The following TP53I3 variants were observed in gnomAD, a reference collection of about 807,000 sequenced individuals.
TP53I3 encodes the protein quinone oxidoreductase PIG3.
A neutral mutation model predicts 27.7 loss-of-function variants in TP53I3; 32 were observed. That is an observed-to-expected ratio of 1.16 (90% confidence interval 0.87 to 1.55). The LOEUF (loss-of-function observed/expected upper bound fraction) is 1.55. Among genes scored for constraint, TP53I3 ranks in the 40% most tolerant of loss-of-function variants. TP53I3 has a pLI of 0.00. For synonymous variants in TP53I3, 138 were observed against 167.8 expected (o/e 0.82, Z 1.37); for missense variants, 372 against 412.3 (o/e 0.90, Z 0.85).
Position 24,084,339 on chromosome 2 carries a change from C to CACAGGGCAGGGCAGGGCAGGACAGG in TP53I3, c.-38_-14dup, listed in dbSNP as rs762702067. The CACAGGGCAGGGCAGGGCAGGACAGG allele has an allele frequency of 3.7e-5, 60 of 1,604,012 alleles. 1 individual carries two copies. In the South Asian group the frequency reaches 4.2e-4, roughly 11 times the overall value. ...GCACGGCTAACATATTGTCTGAGGA[C>CACAGGGCAGGGCAGGGCAGGACAGG]ACAGGGCAGGGCAGGGCAGGACAGG... On this transcript the variant is annotated 5_prime_UTR_variant, in exon 1 of 5. Coordinates refer to ENST00000238721, the MANE Select transcript of TP53I3 (RefSeq NM_004881.5). This position sits in a 1 kb window ranked among gnomAD's most constrained non-coding sequence, Gnocchi z 8.4.
chr2:24,083,713 TAA>T (rs1472224414), intron 1 of TP53I3, among the ~76,000 whole-genome samples: 1 of 152,180 alleles, frequency 6.6e-6, no homozygotes, highest in East Asian at 1.9e-4. Flanking sequence ...AGAAAATTCT[TAA>T]GAGTACTGCC....
Position 24,077,648 on chromosome 2 carries a change from G to C in TP53I3, c.930C>G (p.Ile310Met). 2 of 1,614,098 alleles carry C rather than the reference G, an allele frequency of 1.2e-6. No individual in the cohort carries two copies. Among genetic ancestry groups the C allele is most frequent in the South Asian group, 1.1e-5 (1 of 91,074 alleles). The change falls in exon 5 of 5, where the codon ATC (isoleucine) becomes ATG (methionine). Residue 310 changes from isoleucine to methionine, a missense_variant. By Grantham distance (10) the Ile-to-Met change is conservative (BLOSUM62 1). Transcript: ENST00000238721. The surrounding 1 kb of genome is among the most constrained non-coding windows in gnomAD (Gnocchi z 5.5). ...CCTCCATGTACTTATGGGCCTCCTGGATTTCGGTCACTGGGTAGATTCTGT... is the reference window on the plus strand; with the variant it reads ...CCTCCATGTACTTATGGGCCTCCTGCATTTCGGTCACTGGGTAGATTCTGT... ...VLDRIYPVTE[I>M]QEAHKYMEAN... is the part of the protein sequence containing the mutation.
In TP53I3 at chr2:24,084,255, G is replaced by A. The variant is rs146197887; in HGVS notation, c.72C>T (p.Ser24=). 3.7e-6 allele frequency: 6 copies of A among 1,613,770 alleles called. No homozygotes were observed. In the African/African-American group the frequency reaches 5.3e-5, roughly 14 times the overall value. Residue 24 remains serine, a synonymous_variant, in exon 1 of 5, where the codon AGC becomes AGT. Transcript: ENST00000238721. The surrounding 1 kb of genome is among the most constrained non-coding windows in gnomAD (Gnocchi z 8.4). ...TCAGGAGGACTTCACCCTCCCCCGG[G>A]CTCGGCTTGGCCACCTCCTTCACGT... ...NLYVKEVAKP[S]PGEGEVLLKV...
In TP53I3 at chr2:24,084,488, C is replaced by G; in HGVS notation, c.-162G>C. On this transcript the variant is annotated 5_prime_UTR_variant, in exon 1 of 5. Coordinates refer to ENST00000238721, the MANE Select transcript of TP53I3 (RefSeq NM_004881.5). This position sits in a 1 kb window ranked among gnomAD's most constrained non-coding sequence, Gnocchi z 8.4. ...CGCAGCGCCCCCTGCCGGCCAGCGCCTCGCTGCCCTGGTCTGCCGCGGACC... is the reference window on the plus strand; with the variant it reads ...CGCAGCGCCCCCTGCCGGCCAGCGCGTCGCTGCCCTGGTCTGCCGCGGACC... 1 of 972,042 alleles carries G rather than the reference C, an allele frequency of 1.0e-6. No homozygotes were observed. Among genetic ancestry groups the G allele is most frequent in the Non-Finnish European group, 1.4e-6 (1 of 704,742 alleles). The allele number at this position is 972,042 out of a possible 1,614,324, so 60.2% of individuals were successfully genotyped here.
rs764150212 is a variant in TP53I3, at chr2:24,079,567, A to C, written c.693T>G (p.Leu231=). ...GACCATAGAGAACCCATCGACCATCAAGAGCCAGGCAGTTGACGTTCTTCT... is the reference window on the plus strand; with the variant it reads ...GACCATAGAGAACCCATCGACCATCCAGAGCCAGGCAGTTGACGTTCTTCT... ...YWEKNVNCLA[L]DGRWVLYGLM... Residue 231 remains leucine (L), a synonymous_variant, in exon 4 of 5, where the codon CTT becomes CTG. Coordinates refer to ENST00000238721, the MANE Select transcript of TP53I3 (RefSeq NM_004881.5). The C allele has an allele frequency of 8.7e-6, 14 of 1,614,186 alleles. No homozygotes were observed. In the South Asian group the frequency reaches 1.4e-4, roughly 16 times the overall value.
intron 4 of TP53I3, 79 bp downstream of exon 4, chr2:24,079,365 G>T: frequency 6.7e-7 from 1 of 1,483,840 alleles, no homozygotes; most frequent in Non-Finnish European, 9.2e-7. Context: ...CTAAGGTAGA[G>T]CTTCCTTTCT....
In TP53I3 at chr2:24,081,791, G is replaced by A. The variant is rs141620611; in HGVS notation, c.407-760C>T. 8.4e-3 allele frequency among the ~76,000 whole-genome samples: 1,257 copies of A among 150,506 alleles called. 26 individuals carry two copies. Among genetic ancestry groups the A allele is most frequent in the African/African-American group, 0.029 (1,186 of 40,846 alleles). On this transcript the variant is annotated intron_variant, in intron 2 of 4. Transcript: ENST00000238721. The stretch of plus-strand genomic sequence containing the variant: ...GCAAGCTCTGCCCCACCCCCCCTGC[G>A]TTCATGCCATTCTCTTGCCTCAGCT...
chr2:24,079,001 C>T (rs1664880121), intron 4 of TP53I3: 1 of 163,898 alleles, frequency 6.1e-6, no homozygotes. Context: ...TCCTCTGCCT[C>T]AGCCTTCCAA....
intron 2 of TP53I3, among the ~76,000 whole-genome samples, chr2:24,081,798 C>G (rs976976568): frequency 1.3e-5 from 2 of 150,034 alleles, no homozygotes; most frequent in Non-Finnish European, 3.0e-5. Flanking sequence ...TGCGTTCATG[C>G]CATTCTCTTG....
rs1217899154 is a variant in TP53I3 at position 24,083,155 on chromosome 2, G to A, written c.139-3C>T. ...GGTGGGTCATACTGGCCTTGTCTCT[G>A]CAGAGAAAGAAGTGCACTAAGTGGT... On this transcript the variant is annotated splice_polypyrimidine_tract_variant and splice_region_variant and intron_variant, in intron 1 of 4. Transcript: ENST00000238721. The A allele has an allele frequency of 1.2e-6, 2 of 1,600,320 alleles. No homozygotes were observed. The highest frequency in any genetic ancestry group is 2.7e-5 in the African/African-American group (2 of 74,722).
Position 24,079,619 on chromosome 2 carries a change from A to G in TP53I3, c.641T>C (p.Leu214Pro), listed in dbSNP as rs1174900349. Reference protein sequence around the residue: ...FTKGAGVNLILDCIGGSYWEK... With the variant: ...FTKGAGVNLIPDCIGGSYWEK... ...CCAGTAGGATCCGCCTATGCAGTCTAGAATAAGATTAACTCCAGCACCTTC... is the reference window on the plus strand; with the variant it reads ...CCAGTAGGATCCGCCTATGCAGTCTGGAATAAGATTAACTCCAGCACCTTC... The change falls in exon 4 of 5, where the codon CTA (leucine) becomes CCA (proline). Residue 214 changes from leucine to proline, a missense_variant. Physicochemically the swap from Leu to Pro is moderately conservative, Grantham distance 98. Transcript: ENST00000238721. 1.4e-5 allele frequency: 23 copies of G among 1,614,200 alleles called. No homozygotes were observed. Among genetic ancestry groups the G allele is most frequent in the Non-Finnish European group, 1.9e-5 (23 of 1,180,030 alleles).
chr2:24,082,984 C>A lies in TP53I3; in HGVS notation c.307G>T (p.Glu103Ter). ...GGQAQYVTVP[E>*]GLLMPIPEGL... Reference sequence around the variant, plus strand: ...TCTGGGATAGGCATGAGGAGCCCTTCGGGGACAGTGACGTACTGAGCCTGG... The same window carrying A: ...TCTGGGATAGGCATGAGGAGCCCTTAGGGGACAGTGACGTACTGAGCCTGG... The change falls in exon 2 of 5, where the codon GAA becomes TAA. Residue 103 changes from glutamate (E) to a stop codon, truncating the protein, a stop_gained. Coordinates refer to ENST00000238721, the MANE Select transcript of TP53I3 (RefSeq NM_004881.5). LOFTEE classifies it high-confidence loss of function. 1 of 1,614,158 alleles carries A rather than the reference C, an allele frequency of 6.2e-7. No homozygotes were observed. The highest frequency in any genetic ancestry group is 8.5e-7 in the Non-Finnish European group (1 of 1,180,014).
Position 24,077,662 on chromosome 2 carries a change from G to A in TP53I3, c.916C>T (p.Pro306Ser), listed in dbSNP as rs760907457. 31 of 1,613,936 alleles carry A rather than the reference G, an allele frequency of 1.9e-5. No homozygotes were observed. Among genetic ancestry groups the A allele is most frequent in the Non-Finnish European group, 2.6e-5 (31 of 1,179,990 alleles). Residue 306 changes from proline (P) to serine (S), a missense_variant, in exon 5 of 5, where the codon CCA (proline) becomes TCA (serine). Physicochemically the swap from Pro to Ser is moderately conservative, Grantham distance 74. Coordinates refer to ENST00000238721, the MANE Select transcript of TP53I3 (RefSeq NM_004881.5). The surrounding 1 kb of genome is among the most constrained non-coding windows in gnomAD (Gnocchi z 5.5). The part of the protein sequence containing the change: ...RLLPVLDRIY[P>S]VTEIQEAHKY... ...TGGGCCTCCTGGATTTCGGTCACTG[G>A]GTAGATTCTGTCCAGAACCGGCAGC...
At position 24,080,992 on chromosome 2, in the gene TP53I3, C is replaced by G; in HGVS notation, c.446G>C (p.Gly149Ala). The G allele has an allele frequency of 6.2e-7, 1 of 1,614,174 alleles. No individual in the cohort carries two copies. Among genetic ancestry groups the G allele is most frequent in the Non-Finnish European group, 8.5e-7 (1 of 1,180,028 alleles). Reference protein sequence around the residue: ...QAGDYVLIHAGLSGVGTAAIQ... With the variant: ...QAGDYVLIHAALSGVGTAAIQ... Reference sequence around the variant, plus strand: ...AGCAGCTGTGCCCACACCACTCAGTCCTGCATGGATTAGCACATAGTCTCC... The same window carrying G: ...AGCAGCTGTGCCCACACCACTCAGTGCTGCATGGATTAGCACATAGTCTCC... Residue 149 changes from glycine to alanine, a missense_variant, in exon 3 of 5, where the codon GGA becomes GCA. Physicochemically the swap from Gly to Ala is moderately conservative, Grantham distance 60 (BLOSUM62 0). Transcript: ENST00000238721. This position sits in a 1 kb window ranked among gnomAD's most constrained non-coding sequence, Gnocchi z 4.7.
At chr2:24,081,785 C>G (rs1280401352) in intron 2 of TP53I3, among the ~76,000 whole-genome samples, 3 of 151,288 alleles carry the variant, frequency 2.0e-5, no homozygotes, top group Non-Finnish European at 4.4e-5. Context: ...GCCCCACCCC[C>G]CCTGCGTTCA....
Position 24,084,532 on chromosome 2 carries a change from C to T in TP53I3, c.-206G>A. ...GCGGACCCGGCCTCCGCCCCGAGCT[C>T]CTGCCTGGGAAGTCCTCGGCCGCCT... is the stretch of plus-strand genomic sequence containing the variant. On this transcript the variant is annotated 5_prime_UTR_variant, in exon 1 of 5. Coordinates refer to ENST00000238721, the MANE Select transcript of TP53I3 (RefSeq NM_004881.5). This position sits in a 1 kb window ranked among gnomAD's most constrained non-coding sequence, Gnocchi z 8.4. The T allele has an allele frequency of 4.5e-6, 3 of 662,316 alleles. No homozygotes were observed. Among genetic ancestry groups the T allele is most frequent in the Middle Eastern group, 8.6e-4 (2 of 2,324 alleles). 41.0% of individuals were successfully genotyped at this position (662,316 alleles called of 1,614,324 possible).
intron 3 of TP53I3, among the ~76,000 whole-genome samples, chr2:24,079,864 G>A (rs1189171240): frequency 6.6e-6 from 1 of 152,168 alleles, no homozygotes; most frequent in East Asian, 1.9e-4. Context: ...CAGCAAGAGG[G>A]AAATGGGGCA....
At chr2:24,083,934 A>G (rs1441695072) in intron 1 of TP53I3, among the ~76,000 whole-genome samples, 1 of 152,104 alleles carries the variant, frequency 6.6e-6, no homozygotes, top group East Asian at 1.9e-4. Context: ...ACCCCACAAC[A>G]ATGTTAGTTC....
In TP53I3 at chr2:24,079,503, T is replaced by C. The variant is rs1664905305; in HGVS notation, c.757A>G (p.Lys253Glu). 1 of 1,614,146 alleles carries C rather than the reference T, an allele frequency of 6.2e-7. No individual in the cohort carries two copies. The highest frequency in any genetic ancestry group is 8.5e-7 in the Non-Finnish European group (1 of 1,180,034). ...GGDINGPLFS[K>E]LLFKRGSLIT... ...AGACTTCCTCGCTTAAAAAGTAGCT[T>C]TGAAAACAGGGGCCCATTGATGTCA... is the stretch of plus-strand genomic sequence containing the variant. Residue 253 changes from lysine (K) to glutamate (E), a missense_variant, in exon 4 of 5, where the codon AAG (lysine) becomes GAG (glutamate). Lys to Glu is a moderately conservative substitution (Grantham distance 56, BLOSUM62 1). Coordinates refer to ENST00000238721, the MANE Select transcript of TP53I3 (RefSeq NM_004881.5).
Sources: gnomAD v4.1 joint callset for allele counts (sites outside exome capture counted in the v4.1 genomes callset) on GRCh38, gnomAD v4.1.1 for gene constraint, Gnocchi (gnomAD v3.1) non-coding constraint, MANE v1.5 for transcripts, NCBI Gene and HGNC (gene_info 2026-07-23, HGNC 2026-07-21) for gene names.